Variants in RECQL4 observed in about 807,000 individuals in gnomAD.
The protein encoded by RECQL4 is ATP-dependent DNA helicase Q4.
In RECQL4, 158 loss-of-function variants were observed where a neutral mutation model predicts 128.6. The ratio of observed to expected loss-of-function variants is 1.23; its 90% confidence interval spans 1.08 to 1.40. The LOEUF (loss-of-function observed/expected upper bound fraction) is 1.40. Ranked by LOEUF, RECQL4 falls within the 40% of genes most tolerant of loss-of-function variation. The pLI is 0.00. For synonymous variants in RECQL4, 996 were observed against 678.9 expected (o/e 1.47, Z -7.26); for missense variants, 2,293 against 1,649.8 (o/e 1.39, Z -6.75).
At chr8:144,511,827 C>A (rs35995510) in intron 19 of RECQL4, 38 bp from the exon 20 acceptor site, 1 of 1,610,692 alleles carries the variant, frequency 6.2e-7, no homozygotes, top group Non-Finnish European at 8.5e-7. Context: ...TCTGAGCTCC[C>A]GTGGCACTGC....
Position 144,512,081 on chromosome 8 carries a change from C to A in RECQL4, c.3237-14G>T, listed in dbSNP as rs764194765. 1 of 1,606,062 alleles carries A rather than the reference C, an allele frequency of 6.2e-7. No homozygotes were observed. ...GGGAAGGCTACGCTGTGGGGAGGAG[C>A]CTGTCAGAGCTGATCACTGCGGGAG... On this transcript the variant is annotated splice_polypyrimidine_tract_variant and intron_variant, in intron 18 of 20. Transcript: ENST00000617875.
chr8:144,516,220 C>T lies in RECQL4; in HGVS notation c.899G>A (p.Gly300Glu), dbSNP rs369842607. Reference sequence around the variant, plus strand: ...AGGTGGCTGTGCCTGTACAGGTTCCCCTGGAGGGTCTTCCTCAACTGCTAC... The same window carrying T: ...AGGTGGCTGTGCCTGTACAGGTTCCTCTGGAGGGTCTTCCTCAACTGCTAC... ...GAVAVEEDPP[G>E]EPVQAQPPQP... Residue 300 changes from glycine to glutamate, a missense_variant, in exon 5 of 21, where the codon GGG (glycine) becomes GAG (glutamate). Gly to Glu is a moderately conservative substitution (Grantham distance 98, BLOSUM62 -2). Coordinates refer to ENST00000617875, the MANE Select transcript of RECQL4 (RefSeq NM_004260.4). 2.5e-6 allele frequency: 4 copies of T among 1,613,202 alleles called. No homozygotes were observed. The highest frequency in any genetic ancestry group is 3.4e-6 in the Non-Finnish European group (4 of 1,179,846).
Position 144,511,310 on chromosome 8 carries a change from T to C in RECQL4, c.*121A>G, listed in dbSNP as rs545465885. 4.8e-4 allele frequency: 740 copies of C among 1,549,206 alleles called. 7 individuals carry two copies. In the South Asian group the frequency reaches 5.1e-3, roughly 11 times the overall value. ...CCATAAAAACAAAGTGAGCATTTTT[T>C]ATTCTGCATTTTGGAGCCTCCTCGT... On this transcript the variant is annotated 3_prime_UTR_variant, in exon 21 of 21. Coordinates refer to ENST00000617875, the MANE Select transcript of RECQL4 (RefSeq NM_004260.4).
intron 9 of RECQL4, 107 bp from the exon 10 acceptor site, chr8:144,514,632 A>T: frequency 8.3e-7 from 1 of 1,211,258 alleles, no homozygotes; most frequent in South Asian, 1.5e-5. Context: ...AGGGGAGAGG[A>T]GAACCAGGTC....
intron 2 of RECQL4, 26 bp downstream of exon 2, chr8:144,517,576 C>A: frequency 1.4e-6 from 2 of 1,480,658 alleles, no homozygotes; most frequent in Non-Finnish European, 1.8e-6. Flanking sequence ...TGTCTTCTCG[C>A]CCCCGCCGCC....
At position 144,516,131 on chromosome 8, in the gene RECQL4, C is replaced by T. The variant is rs757933716; in HGVS notation, c.988G>A (p.Ala330Thr). ...GGGGCTGTGCCCTCAGCCTTCCCAGCCCTAGCTTGACTGGAGGGGCTGAGT... is the reference window on the plus strand; with the variant it reads ...GGGGCTGTGCCCTCAGCCTTCCCAGTCCTAGCTTGACTGGAGGGGCTGAGT... ...HGLSPSSQARAGKAEGTAPLH... is the reference protein window; with the variant it reads ...HGLSPSSQARTGKAEGTAPLH... The change falls in exon 5 of 21, where the codon GCT becomes ACT. Residue 330 changes from alanine to threonine, a missense_variant. Ala to Thr is a moderately conservative substitution (Grantham distance 58). Coordinates refer to ENST00000617875, the MANE Select transcript of RECQL4 (RefSeq NM_004260.4). The T allele has an allele frequency of 3.7e-6, 6 of 1,613,036 alleles. No homozygotes were observed. The East Asian group carries it at 1.3e-4, about 36-fold the overall frequency.
rs1564791450 is a variant in RECQL4 at position 144,512,655 on chromosome 8, C to T, written c.2872G>A (p.Ala958Thr). ...GGGCGTGCTTACCTGTGGGCCAGGG[C>T]CTGGAGCTGGGCAGGGCCCCCAGGG... ...NCPGGPAQLQ[A>T]LAHRCPPLAV... The change falls in exon 16 of 21, where the codon GCC (alanine) becomes ACC (threonine). Residue 958 changes from alanine to threonine, a missense_variant. Ala to Thr is a moderately conservative substitution (Grantham distance 58). Coordinates refer to ENST00000617875, the MANE Select transcript of RECQL4 (RefSeq NM_004260.4). 5.6e-6 allele frequency: 9 copies of T among 1,612,518 alleles called. No individual in the cohort carries two copies. Among genetic ancestry groups the T allele is most frequent in the Non-Finnish European group, 6.8e-6 (8 of 1,179,770 alleles).
Position 144,517,734 on chromosome 8 carries a change from C to T in RECQL4, c.51G>A (p.Ala17=), listed in dbSNP as rs1586835768. The T allele has an allele frequency of 4.4e-6, 6 of 1,349,158 alleles. No homozygotes were observed. Among genetic ancestry groups the T allele is most frequent in the Non-Finnish European group, 5.7e-6 (6 of 1,049,436 alleles). 83.6% of individuals were successfully genotyped at this position (1,349,158 alleles called of 1,614,324 possible). Residue 17 remains alanine, a synonymous_variant, in exon 1 of 21, where the codon GCG becomes GCA. Coordinates refer to ENST00000617875, the MANE Select transcript of RECQL4 (RefSeq NM_004260.4). ...VRERLQAWER[A]FRRQRGRRPS... is the part of the protein sequence containing the mutation. ...GTCGCCGCCCGCGCTGCCGTCGGAACGCGCGCTCCCACGCCTGCAGCCGCT... is the reference window on the plus strand; with the variant it reads ...GTCGCCGCCCGCGCTGCCGTCGGAATGCGCGCTCCCACGCCTGCAGCCGCT...
Position 144,517,106 on chromosome 8 carries a change from C to T in RECQL4, c.298G>A (p.Gly100Ser), listed in dbSNP as rs776385170. 5 of 1,612,406 alleles carry T rather than the reference C, an allele frequency of 3.1e-6. No individual in the cohort carries two copies. The highest frequency in any genetic ancestry group is 4.2e-6 in the Non-Finnish European group (5 of 1,179,736). The change falls in exon 4 of 21, where the codon GGC becomes AGC. Residue 100 changes from glycine to serine, a missense_variant. Transcript: ENST00000617875. Reference protein sequence around the residue: ...PQSTPGRSRQGSVPDYGQRLK... With the variant: ...PQSTPGRSRQSSVPDYGQRLK... ...CGCTGCCCGTAGTCCGGCACCGAGC[C>T]CTGGCGGCTCCGCCCTGGCGTAGAC...
In RECQL4 at chr8:144,515,316, G is replaced by A. The variant is rs1211903875; in HGVS notation, c.1390+10C>T. The A allele has an allele frequency of 1.2e-6, 2 of 1,612,104 alleles. No individual in the cohort carries two copies. The highest frequency in any genetic ancestry group is 1.7e-6 in the Non-Finnish European group (2 of 1,179,602). On this transcript the variant is annotated intron_variant, in intron 7 of 20. Coordinates refer to ENST00000617875, the MANE Select transcript of RECQL4 (RefSeq NM_004260.4). Reference sequence around the variant, plus strand: ...CAGTGAAGGCTCTGGGCCAGAAGCTGACTGCTCACCTGCCAACTGCCCTGA... The same window carrying A: ...CAGTGAAGGCTCTGGGCCAGAAGCTAACTGCTCACCTGCCAACTGCCCTGA...
At position 144,513,988 on chromosome 8, in the gene RECQL4, C is replaced by T. The variant is rs1827775173; in HGVS notation, c.1998G>A (p.Gly666=). 1 of 1,566,056 alleles carries T rather than the reference C, an allele frequency of 6.4e-7. No homozygotes were observed. The change falls in exon 12 of 21, where the codon GGG becomes GGA. Residue 666 remains glycine, a synonymous_variant. Transcript: ENST00000617875. The stretch of plus-strand genomic sequence containing the variant: ...GCAGGTTGGTGGGAACTGGGGCTGG[C>T]CCGTGGAGGTCAGGCTCTTCAGCCA... ...LAVAEEPDLH[G]PAPVPTNLHL... is the part of the protein sequence containing the mutation.
chr8:144,513,541 A>C (rs761981234), intron 13 of RECQL4, 30 bp downstream of exon 13: 1 of 1,610,908 alleles, frequency 6.2e-7, no homozygotes, highest in Non-Finnish European at 8.5e-7. Flanking sequence ...AGGTGGGTCC[A>C]CGGGGACACC....
Position 144,511,827 on chromosome 8 carries a change from C to T in RECQL4, c.3394-38G>A, listed in dbSNP as rs35995510. On this transcript the variant is annotated intron_variant, in intron 19 of 20. Coordinates refer to ENST00000617875, the MANE Select transcript of RECQL4 (RefSeq NM_004260.4). ...GCACATCAGGCTTCCTCTGAGCTCC[C>T]GTGGCACTGCATCCACAGAGCAAGC... 21 of 1,610,810 alleles carry T rather than the reference C, an allele frequency of 1.3e-5. No homozygotes were observed. In the East Asian group the frequency reaches 2.7e-4, roughly 21 times the overall value.
In RECQL4 at chr8:144,511,754, G is replaced by C. The variant is rs529113837; in HGVS notation, c.3429C>G (p.Ile1143Met). 4.3e-6 allele frequency: 7 copies of C among 1,612,614 alleles called. No homozygotes were observed. In the African/African-American group the frequency reaches 9.3e-5, roughly 21 times the overall value. The part of the protein sequence containing the change: ...QDWEDQVRCD[I>M]RQFLSLRPEE... Reference sequence around the variant, plus strand: ...CTGGCCTCAGGGACAGGAACTGGCGGATGTCGCAGCGGACCTGGTCCTCCC... The same window carrying C: ...CTGGCCTCAGGGACAGGAACTGGCGCATGTCGCAGCGGACCTGGTCCTCCC... Residue 1143 changes from isoleucine to methionine, a missense_variant, in exon 20 of 21, where the codon ATC (isoleucine) becomes ATG (methionine). Coordinates refer to ENST00000617875, the MANE Select transcript of RECQL4 (RefSeq NM_004260.4).
chr8:144,513,340 G>A lies in RECQL4; in HGVS notation c.2341C>T (p.Pro781Ser), dbSNP rs1490845255. The A allele has an allele frequency of 2.5e-6, 4 of 1,604,326 alleles. No homozygotes were observed. Among genetic ancestry groups the A allele is most frequent in the South Asian group, 2.2e-5 (2 of 91,044 alleles). The part of the protein sequence containing the change: ...TVAFGMGLDR[P>S]DVRAVLHLGL... ...AGATGCAGCACAGCCCGCACATCTGGCCGGTCCAGCCCCATCCCAAAGGCC... is the reference window on the plus strand; with the variant it reads ...AGATGCAGCACAGCCCGCACATCTGACCGGTCCAGCCCCATCCCAAAGGCC... Residue 781 changes from proline (P) to serine (S), a missense_variant, in exon 14 of 21, where the codon CCA becomes TCA. Physicochemically the swap from Pro to Ser is moderately conservative, Grantham distance 74. Transcript: ENST00000617875.
Position 144,516,699 on chromosome 8 carries a change from T to C in RECQL4, c.420A>G (p.Pro140=). ...LGRASSKAST[P]KPPGTGPVPS... ...GGACAGGCCCTGTACCTGGGGGCTTTGGGGTGGATGCCTTAGATGAGGCTC... is the reference window on the plus strand; with the variant it reads ...GGACAGGCCCTGTACCTGGGGGCTTCGGGGTGGATGCCTTAGATGAGGCTC... Residue 140 remains proline, a synonymous_variant, in exon 5 of 21, where the codon CCA becomes CCG. Coordinates refer to ENST00000617875, the MANE Select transcript of RECQL4 (RefSeq NM_004260.4). The C allele has an allele frequency of 6.4e-7, 1 of 1,556,938 alleles. No homozygotes were observed. Among genetic ancestry groups the C allele is most frequent in the East Asian group, 2.3e-5 (1 of 44,438 alleles).
chr8:144,517,301 C>T, intron 3 of RECQL4, 111 bp from the exon 4 acceptor site: 1 of 1,492,154 alleles, frequency 6.7e-7, no homozygotes, highest in South Asian at 1.3e-5. Flanking sequence ...TCACTTTGCC[C>T]AGTCCCCCTC....
chr8:144,514,332 G>A lies in RECQL4; in HGVS notation c.1735C>T (p.Leu579=), dbSNP rs552226907. ...GCCCCCACCAGTGCCTCAGGTGTCA[G>A]CATCAGCACGTGTACCTGGGCTGCC... is the stretch of plus-strand genomic sequence containing the variant. ...IRAAQVHVLM[L]TPEALVGAGG... is the part of the protein sequence containing the mutation. Residue 579 remains leucine, a synonymous_variant, in exon 11 of 21, where the codon CTG becomes TTG. Transcript: ENST00000617875. The A allele has an allele frequency of 6.2e-7, 1 of 1,607,652 alleles. No homozygotes were observed.
intron 9 of RECQL4, among the ~76,000 whole-genome samples, 164 bp from the exon 10 acceptor site, chr8:144,514,689 C>T (rs1305967486): frequency 1.3e-5 from 2 of 152,114 alleles, no homozygotes; most frequent in East Asian, 1.9e-4. Flanking sequence ...GGCCTTGGCC[C>T]AGGAGCCCCA....
Sources: allele counts gnomAD v4.1 joint callset (sites outside exome capture counted in the v4.1 genomes callset), GRCh38; gene constraint gnomAD v4.1.1; transcripts MANE v1.5; gene names NCBI Gene and HGNC (gene_info 2026-07-23, HGNC 2026-07-21).